EIF2AK3: variants seen among roughly 807,000 people sequenced by gnomAD.
The protein encoded by EIF2AK3 is eukaryotic translation initiation factor 2-alpha kinase 3.
In EIF2AK3, 50 loss-of-function variants were observed where a neutral mutation model predicts 113.5. The ratio of observed to expected loss-of-function variants is 0.44; its 90% CI spans 0.35 to 0.56. The LOEUF is 0.56. EIF2AK3 is among the 20% of genes least tolerant of loss of function. The probability of loss-of-function intolerance (pLI) is 0.00; values close to 1 mark genes in which losing one functional copy is unlikely to be tolerated. For synonymous variants in EIF2AK3, 448 were observed against 495.4 expected (o/e 0.90, Z 1.27); for missense variants, 1,185 against 1,378.0 (o/e 0.86, Z 2.22).
chr2:88,607,149 A>G (rs933203231), intron 2 of EIF2AK3, among the ~76,000 whole-genome samples: 3 of 152,328 alleles, frequency 2.0e-5, no homozygotes, highest in African/African-American at 7.2e-5. Flanking sequence ...AGATAGTTCA[A>G]TCTACTTAGA....
At chr2:88,591,579 T>G (rs1398232172) in intron 4 of EIF2AK3, among the ~76,000 whole-genome samples, 1 of 152,172 alleles carries the variant, frequency 6.6e-6, no homozygotes, top group African/African-American at 2.4e-5. Context: ...ATCTTGGATC[T>G]CCACTGAACA....
chr2:88,606,988 A>G (rs1325554233), intron 2 of EIF2AK3, among the ~76,000 whole-genome samples: 1 of 152,264 alleles, frequency 6.6e-6, no homozygotes, highest in East Asian at 1.9e-4. Context: ...ACAGAAAACC[A>G]AAACAGAAAA....
Position 88,571,807 on chromosome 2 carries a change from T to C in EIF2AK3, c.2818-766A>G, listed in dbSNP as rs1674318303. Among the ~76,000 whole-genome samples the C allele has an allele frequency of 2.0e-5, 3 of 152,210 alleles. 1 individual carries two copies. The South Asian group carries it at 6.2e-4, about 32-fold the overall frequency. On this transcript the variant is annotated intron_variant, in intron 13 of 16. Transcript: ENST00000303236. ...TCTATGCTGCCTCTCGTAAAACCTC[T>C]ATGTTCTCAAGACTATATCTACTCC...
chr2:88,582,602 T>C (rs1475326008), intron 10 of EIF2AK3, among the ~76,000 whole-genome samples: 1 of 152,184 alleles, frequency 6.6e-6, no homozygotes, highest in Admixed American at 6.5e-5. Context: ...GTGAATATGC[T>C]TGTGCATCTA....
intron 4 of EIF2AK3, among the ~76,000 whole-genome samples, chr2:88,592,115 C>G (rs1425044959): frequency 6.6e-6 from 1 of 152,000 alleles, no homozygotes; most frequent in Non-Finnish European, 1.5e-5. Flanking sequence ...ATTTTTACTA[C>G]AAAGGCAATT....
intron 14 of EIF2AK3, among the ~76,000 whole-genome samples, chr2:88,562,674 A>G (rs946225105): frequency 2.0e-5 from 3 of 152,190 alleles, no homozygotes; most frequent in Non-Finnish European, 4.4e-5. Flanking sequence ...CCATGCTAAA[A>G]AAGTTTGTGG....
At chr2:88,618,540 AC>A (rs1375581239) in intron 1 of EIF2AK3, among the ~76,000 whole-genome samples, 1 of 152,212 alleles carries the variant, frequency 6.6e-6, no homozygotes, top group Non-Finnish European at 1.5e-5. Context: ...CTTGTTAAAA[AC>A]CATTAAAGGT....
At chr2:88,601,604 C>A (rs982837339) in intron 2 of EIF2AK3, among the ~76,000 whole-genome samples, 2 of 152,148 alleles carry the variant, frequency 1.3e-5, no homozygotes, top group South Asian at 4.1e-4. Flanking sequence ...GTTTGCTGGC[C>A]CCTATGCTAT....
At chr2:88,579,454 T>C in intron 11 of EIF2AK3, 64 bp downstream of exon 11, 1 of 1,599,648 alleles carries the variant, frequency 6.3e-7, no homozygotes, top group Non-Finnish European at 8.6e-7. Context: ...AAGAAGGATA[T>C]TTTACCCATG....
chr2:88,571,951 CAG>C (rs1674321547), intron 13 of EIF2AK3, among the ~76,000 whole-genome samples: 1 of 152,170 alleles, frequency 6.6e-6, no homozygotes, highest in African/African-American at 2.4e-5. Flanking sequence ...ACCTCTCCCT[CAG>C]AGTCTACTCT....
At position 88,558,996 on chromosome 2, in the gene EIF2AK3, T is replaced by G; in HGVS notation, c.3088-17A>C. 4 of 1,510,022 alleles carry G rather than the reference T, an allele frequency of 2.6e-6. No individual in the cohort carries two copies. Among genetic ancestry groups the G allele is most frequent in the Non-Finnish European group, 3.7e-6 (4 of 1,090,276 alleles). The allele number at this position is 1,510,022 out of a possible 1,614,324, so 93.5% of individuals were successfully genotyped here. ...AGTTAAGGTCTAAAAAGAAAAAAAGTATCACTTATTAAGTTTATTTTGACA... is the reference window on the plus strand; with the variant it reads ...AGTTAAGGTCTAAAAAGAAAAAAAGGATCACTTATTAAGTTTATTTTGACA... On this transcript the variant is annotated splice_polypyrimidine_tract_variant and intron_variant, in intron 15 of 16. Transcript: ENST00000303236.
intron 1 of EIF2AK3, 27 bp from the exon 2 acceptor site, chr2:88,613,880 AT>A (rs1388189499): frequency 8.2e-6 from 13 of 1,578,800 alleles, no homozygotes; most frequent in Non-Finnish European, 1.0e-5. Context: ...TATTTTTAAA[AT>A]TAACAGATAT....
chr2:88,568,505 C>T (rs1235757631), intron 14 of EIF2AK3, among the ~76,000 whole-genome samples: 1 of 152,162 alleles, frequency 6.6e-6, no homozygotes, highest in Non-Finnish European at 1.5e-5. Flanking sequence ...AAATCTCAAC[C>T]TTTAAATATA....
rs535059276 is a variant in EIF2AK3 at position 88,557,730 on chromosome 2, T to G, written c.*6A>C. The G allele has an allele frequency of 1.2e-6, 2 of 1,614,100 alleles. No individual in the cohort carries two copies. Among genetic ancestry groups the G allele is most frequent in the East Asian group, 4.5e-5 (2 of 44,886 alleles). ...CACCTATTAGGGTTGCTAGCACAAC[T>G]TAAGGCTAATTGCTTGGCAAAGGGC... On this transcript the variant is annotated 3_prime_UTR_variant, in exon 17 of 17. Transcript: ENST00000303236.
At chr2:88,584,448 C>A (rs905523531) in intron 9 of EIF2AK3, among the ~76,000 whole-genome samples, 1 of 138,344 alleles carries the variant, frequency 7.2e-6, no homozygotes, top group East Asian at 2.3e-4. Context: ...ACCCAGGAGG[C>A]GGAGGTTGCA....
intron 1 of EIF2AK3, among the ~76,000 whole-genome samples, chr2:88,625,855 A>C (rs1052653654): frequency 4.6e-5 from 7 of 152,194 alleles, no homozygotes; most frequent in African/African-American, 1.7e-4. Context: ...ATATATTTAC[A>C]AATGTTTATA....
intron 14 of EIF2AK3, among the ~76,000 whole-genome samples, chr2:88,568,788 A>T (rs1207115588): frequency 6.6e-6 from 1 of 152,224 alleles, no homozygotes; most frequent in Non-Finnish European, 1.5e-5. Flanking sequence ...TTGTGCAATT[A>T]TTTGAGTTAC....
rs559073381 is a variant in EIF2AK3, at chr2:88,576,746, C to T, written c.1887-43G>A. The T allele has an allele frequency of 3.1e-6, 5 of 1,603,580 alleles. No individual in the cohort carries two copies. The South Asian group carries it at 4.4e-5, about 14-fold the overall frequency. On this transcript the variant is annotated intron_variant, in intron 11 of 16. Coordinates refer to ENST00000303236, the MANE Select transcript of EIF2AK3 (RefSeq NM_004836.7). Reference sequence around the variant, plus strand: ...TTTAAGGTGATGGATATTCCAATTACACTGATTTGATCTTTACAAATTATA... The same window carrying T: ...TTTAAGGTGATGGATATTCCAATTATACTGATTTGATCTTTACAAATTATA...
chr2:88,627,373 C>T lies in EIF2AK3; in HGVS notation c.-99G>A. Reference sequence around the variant, plus strand: ...AAGAAGGCAAGGACGTGCTAGGGACCCTACTGCCGCCCCGACGGCCTGGAC... The same window carrying T: ...AAGAAGGCAAGGACGTGCTAGGGACTCTACTGCCGCCCCGACGGCCTGGAC... On this transcript the variant is annotated 5_prime_UTR_variant, in exon 1 of 17. Transcript: ENST00000303236. 1 of 1,310,806 alleles carries T rather than the reference C, an allele frequency of 7.6e-7. No individual in the cohort carries two copies. 81.2% of individuals were successfully genotyped at this position (1,310,806 alleles called of 1,614,324 possible).
Sources: allele counts gnomAD v4.1 joint callset (sites outside exome capture counted in the v4.1 genomes callset), GRCh38; gene constraint gnomAD v4.1.1; transcripts MANE v1.5; gene names NCBI Gene and HGNC (gene_info 2026-07-23, HGNC 2026-07-21).